Variants in PRKN observed in about 807,000 individuals in gnomAD.
PRKN encodes the protein E3 ubiquitin-protein ligase parkin.
Under a neutral mutation model 59.5 loss-of-function variants are expected in PRKN, and 56 were observed. The observed-to-expected ratio is 0.94, with a 90% CI of 0.76 to 1.18. The LOEUF (loss-of-function observed/expected upper bound fraction) is 1.18. Ranked by LOEUF, PRKN falls within the 50% of genes most tolerant of loss-of-function variation. PRKN has a pLI of 0.00. For synonymous variants in PRKN, 250 were observed against 222.1 expected (o/e 1.13, Z -1.12); for missense variants, 657 against 596.4 (o/e 1.10, Z -1.06).
chr6:161,880,301 T>C (rs1387086755), intron 6 of PRKN, among the ~76,000 whole-genome samples: 4 of 152,324 alleles, frequency 2.6e-5, no homozygotes, highest in African/African-American at 7.2e-5. Context: ...AGATATATAA[T>C]AAAAATTTCT....
intron 7 of PRKN, among the ~76,000 whole-genome samples, chr6:161,623,738 G>T (rs1407293965): frequency 6.6e-6 from 1 of 152,110 alleles, no homozygotes; most frequent in African/African-American, 2.4e-5. Context: ...AACTACATTG[G>T]TTTTGCAGAT....
At chr6:162,100,496 C>A (rs1779922579) in intron 4 of PRKN, among the ~76,000 whole-genome samples, 1 of 151,070 alleles carries the variant, frequency 6.6e-6, no homozygotes, top group African/African-American at 2.4e-5. Flanking sequence ...GTCACCCAGG[C>A]TGGAGTGCAA....
chr6:161,532,143 T>G (rs1033452262), intron 9 of PRKN, among the ~76,000 whole-genome samples: 1 of 86,226 alleles, frequency 1.2e-5, no homozygotes, highest in Non-Finnish European at 2.5e-5. Flanking sequence ...TGTCTTGCAC[T>G]CTCTCTCTCT....
chr6:162,330,952 A>G (rs1307649621), intron 2 of PRKN, among the ~76,000 whole-genome samples: 4 of 152,144 alleles, frequency 2.6e-5, no homozygotes. Context: ...GGGGTCCTTC[A>G]CTTACAAACA....
chr6:161,941,216 T>G (rs1419784888), intron 6 of PRKN, among the ~76,000 whole-genome samples: 3 of 152,120 alleles, frequency 2.0e-5, no homozygotes, highest in African/African-American at 7.2e-5. Flanking sequence ...CACATCCCCA[T>G]CCTGTGCCTA....
chr6:161,995,452 AAACAATC>A (rs1212586329), intron 5 of PRKN, among the ~76,000 whole-genome samples: 1 of 152,168 alleles, frequency 6.6e-6, no homozygotes, highest in Non-Finnish European at 1.5e-5. Context: ...GCAGCAAAGG[AAACAATC>A]AACAGAAACA....
intron 7 of PRKN, among the ~76,000 whole-genome samples, chr6:161,583,633 T>A (rs1781424391): frequency 6.6e-6 from 1 of 152,182 alleles, no homozygotes; most frequent in African/African-American, 2.4e-5. Context: ...TCACCAGTAT[T>A]TTTTTATGAA....
intron 6 of PRKN, among the ~76,000 whole-genome samples, chr6:161,939,516 A>C (rs1182582415): frequency 6.6e-6 from 1 of 151,050 alleles, no homozygotes. Context: ...CAGCTCACTT[A>C]AGGTCGGGAG....
At chr6:162,243,365 A>G (rs1456664986) in intron 3 of PRKN, among the ~76,000 whole-genome samples, 1 of 152,156 alleles carries the variant, frequency 6.6e-6, no homozygotes, top group Non-Finnish European at 1.5e-5. Flanking sequence ...ACAGCTCTTC[A>G]GCATGCTCTC....
chr6:161,680,009 G>A (rs767919747), intron 7 of PRKN, among the ~76,000 whole-genome samples: 11 of 151,806 alleles, frequency 7.2e-5, no homozygotes, highest in Non-Finnish European at 1.5e-4. Flanking sequence ...CCGCCTCAGC[G>A]TCCCAAAGTG....
chr6:162,363,925 T>C (rs1785284664), intron 2 of PRKN, among the ~76,000 whole-genome samples: 1 of 152,204 alleles, frequency 6.6e-6, no homozygotes. Flanking sequence ...TGCGGCTTGC[T>C]ATAACAGTAG....
intron 4 of PRKN, among the ~76,000 whole-genome samples, chr6:162,095,955 C>G (rs1779709873): frequency 6.6e-6 from 1 of 152,186 alleles, no homozygotes; most frequent in South Asian, 2.1e-4. Context: ...TGCCTAACAG[C>G]ATTCCATCTG....
At chr6:162,164,829 C>A (rs1281475110) in intron 4 of PRKN, among the ~76,000 whole-genome samples, 1 of 147,608 alleles carries the variant, frequency 6.8e-6, no homozygotes, top group African/African-American at 2.6e-5. Flanking sequence ...CACTAGAGGC[C>A]TATTTCTCCA....
rs146435138 is a variant in PRKN at position 162,394,749 on chromosome 6, T to C, written c.171+48561A>G. Among the ~76,000 whole-genome samples the C allele has an allele frequency of 6.6e-3, 1,008 of 152,306 alleles. 8 individuals carry two copies. The highest frequency in any genetic ancestry group is 0.014 in the Middle Eastern group (4 of 294). On this transcript the variant is annotated intron_variant, in intron 2 of 11. Transcript: ENST00000366898. ...CACTAATTTACTGAGAACTCTGCAA[T>C]GCAGTGTAAATTCTGTACCCAAGAA... is the stretch of plus-strand genomic sequence containing the variant.
In PRKN at chr6:161,362,378, T is replaced by C. The variant is rs551330194; in HGVS notation, c.1168-2173A>G. Among the ~76,000 whole-genome samples, 1 of 152,262 alleles carries C rather than the reference T, an allele frequency of 6.6e-6. No homozygotes were observed. The highest frequency in any genetic ancestry group is 2.1e-4 in the South Asian group (1 of 4,824). On this transcript the variant is annotated intron_variant, in intron 10 of 11. Coordinates refer to ENST00000366898, the MANE Select transcript of PRKN (RefSeq NM_004562.3). This position sits in a 1 kb window ranked among gnomAD's most constrained non-coding sequence, Gnocchi z 5.2. ...AGTCCCGCGCTGCCCATCATCTGGG[T>C]CTTCCCAGGCCCTAAGGGCACAGGC...
intron 1 of PRKN, among the ~76,000 whole-genome samples, chr6:162,703,190 G>C (rs1778221072): frequency 6.6e-6 from 1 of 151,960 alleles, no homozygotes; most frequent in Admixed American, 6.6e-5. Flanking sequence ...TTAAGCTATT[G>C]GATTTAAAAA....
chr6:161,671,050 C>G (rs560909283), intron 7 of PRKN, among the ~76,000 whole-genome samples: 2 of 151,958 alleles, frequency 1.3e-5, no homozygotes, highest in African/African-American at 4.8e-5. Flanking sequence ...TTGTTTTTTT[C>G]CCTCAAGCAC....
Position 162,727,657 on chromosome 6 carries a change from C to A in PRKN, c.7+5G>T, listed in dbSNP as rs1204087943. ...AGAGGCTGTACCTGGCAGGTACCCA[C>A]GTACCTATCATGGTCACTGGGTAGG... On this transcript the variant is annotated splice_donor_5th_base_variant and intron_variant, in intron 1 of 11. Coordinates refer to ENST00000366898, the MANE Select transcript of PRKN (RefSeq NM_004562.3). 6.3e-7 allele frequency: 1 copy of A among 1,584,678 alleles called. No homozygotes were observed. Among genetic ancestry groups the A allele is most frequent in the Admixed American group, 1.8e-5 (1 of 56,418 alleles).
At chr6:161,635,948 G>C (rs963847727) in intron 7 of PRKN, among the ~76,000 whole-genome samples, 3 of 152,190 alleles carry the variant, frequency 2.0e-5, no homozygotes, top group Non-Finnish European at 4.4e-5. Flanking sequence ...ACCAAGGGCT[G>C]AATGTGAAGA....
Sources: gnomAD v4.1 joint callset for allele counts (sites outside exome capture counted in the v4.1 genomes callset) on GRCh38, gnomAD v4.1.1 for gene constraint, Gnocchi (gnomAD v3.1) non-coding constraint, MANE v1.5 for transcripts, NCBI Gene and HGNC (gene_info 2026-07-23, HGNC 2026-07-21) for gene names.